PRKAR2B: variants seen among roughly 807,000 people sequenced by gnomAD.
PRKAR2B encodes the protein protein kinase cAMP-dependent type II regulatory subunit beta, also known as cAMP-dependent protein kinase type II-beta regulatory subunit.
PRKAR2B carries 14 observed loss-of-function variants against 49.9 expected under a neutral mutation model. The ratio of observed to expected loss-of-function variants is 0.28; its 90% CI spans 0.19 to 0.44. The LOEUF (loss-of-function observed/expected upper bound fraction) is 0.44. Among genes scored for constraint, PRKAR2B ranks in the 20% least tolerant of loss-of-function variants. The probability of loss-of-function intolerance (pLI) is 1.00; values close to 1 mark genes in which losing one functional copy is unlikely to be tolerated. For synonymous variants in PRKAR2B, 196 were observed against 197.7 expected (o/e 0.99, Z 0.07); for missense variants, 393 against 537.9 (o/e 0.73, Z 2.67).
chr7:107,114,528 A>ATTTT (rs761914948), intron 2 of PRKAR2B, among the ~76,000 whole-genome samples: 8 of 131,560 alleles, frequency 6.1e-5, no homozygotes, highest in Non-Finnish European at 4.9e-5. Flanking sequence ...TGCCCGGTTA[A>ATTTT]TTTTTTTTTT....
At chr7:107,120,844 A>G (rs991120306) in intron 2 of PRKAR2B, among the ~76,000 whole-genome samples, 2 of 152,032 alleles carry the variant, frequency 1.3e-5, no homozygotes, top group Non-Finnish European at 2.9e-5. Flanking sequence ...GTAATATGAC[A>G]GATAAAGTGG....
At chr7:107,091,150 A>G (rs894729773) in intron 2 of PRKAR2B, among the ~76,000 whole-genome samples, 23 of 152,166 alleles carry the variant, frequency 1.5e-4, no homozygotes, top group African/African-American at 5.3e-4. Flanking sequence ...AAGCATTTCT[A>G]ATTTGTAAGA....
At chr7:107,112,458 CAAA>C (rs949875603) in intron 2 of PRKAR2B, among the ~76,000 whole-genome samples, 1 of 151,720 alleles carries the variant, frequency 6.6e-6, no homozygotes, top group East Asian at 1.9e-4. Context: ...AAATTTCCAA[CAAA>C]AAAACACAAA....
At chr7:107,121,420 T>C (rs1180821637) in intron 2 of PRKAR2B, among the ~76,000 whole-genome samples, 11 of 152,108 alleles carry the variant, frequency 7.2e-5, no homozygotes, top group African/African-American at 2.7e-4. Flanking sequence ...ATTCTTACAG[T>C]GTTAAATGAA....
chr7:107,119,222 A>C (rs1795344767), intron 2 of PRKAR2B, among the ~76,000 whole-genome samples: 1 of 152,174 alleles, frequency 6.6e-6, no homozygotes, highest in African/African-American at 2.4e-5. Context: ...GGGTGTGTGT[A>C]TGTGTAAAAC....
chr7:107,094,600 G>A (rs956688228), intron 2 of PRKAR2B, among the ~76,000 whole-genome samples: 13 of 152,140 alleles, frequency 8.5e-5, no homozygotes, highest in African/African-American at 3.1e-4. Flanking sequence ...TGTCCTGAAT[G>A]GTACTGGCTA....
In PRKAR2B at chr7:107,161,613, G is replaced by A. The variant is rs1225978226; in HGVS notation, c.*2031G>A. 6.6e-6 allele frequency: 1 copy of A among 152,522 alleles called. No individual in the cohort carries two copies. The allele number at this position is 152,522 out of a possible 1,614,324, so 9.4% of individuals were successfully genotyped here. On this transcript the variant is annotated 3_prime_UTR_variant, in exon 11 of 11. Transcript: ENST00000265717. ...TGATAGCAATGTGGCATGTGGAAGCGAACCCCCAGGGCATAACATAGTAAG... is the reference window on the plus strand; with the variant it reads ...TGATAGCAATGTGGCATGTGGAAGCAAACCCCCAGGGCATAACATAGTAAG...
intron 2 of PRKAR2B, among the ~76,000 whole-genome samples, chr7:107,071,475 T>A (rs1036816012): frequency 2.0e-5 from 3 of 150,468 alleles, no homozygotes; most frequent in African/African-American, 7.4e-5. Flanking sequence ...AAGTGTAGAT[T>A]GTAATGCCTT....
At chr7:107,150,182 TA>T (rs1795958511) in intron 6 of PRKAR2B, among the ~76,000 whole-genome samples, 1 of 152,084 alleles carries the variant, frequency 6.6e-6, no homozygotes, top group Non-Finnish European at 1.5e-5. Context: ...ATAAAATTTT[TA>T]GGAAAATAAT....
At chr7:107,077,522 A>C (rs968711192) in intron 2 of PRKAR2B, 1 of 152,234 alleles carries the variant, frequency 6.6e-6, no homozygotes, top group Non-Finnish European at 1.5e-5. Context: ...AGGTATTTCT[A>C]TTCAGTATTA....
chr7:107,156,929 T>C lies in PRKAR2B; in HGVS notation c.919-55T>C, dbSNP rs188628973. ...TTTAGGGATATGAAAGGTAACAAGATTGTTGTCAATTAATTTGCATTTTCA... is the reference window on the plus strand; with the variant it reads ...TTTAGGGATATGAAAGGTAACAAGACTGTTGTCAATTAATTTGCATTTTCA... On this transcript the variant is annotated intron_variant, in intron 8 of 10. Coordinates refer to ENST00000265717, the MANE Select transcript of PRKAR2B (RefSeq NM_002736.3). 3.7e-5 allele frequency: 54 copies of C among 1,441,382 alleles called. No individual in the cohort carries two copies. The Admixed American group carries it at 4.7e-4, about 13-fold the overall frequency. 89.3% of individuals were successfully genotyped at this position (1,441,382 alleles called of 1,614,324 possible).
intron 1 of PRKAR2B, 49 bp downstream of exon 1, chr7:107,045,263 C>A: frequency 7.3e-7 from 1 of 1,367,642 alleles, no homozygotes; most frequent in South Asian, 1.5e-5. Context: ...CTCGCTGCCC[C>A]CCACCGCTCC....
Position 107,122,002 on chromosome 7 carries a change from A to G in PRKAR2B, c.394A>G (p.Arg132Gly), listed in dbSNP as rs149865268. Reference protein sequence around the residue: ...PDEEEDDAESRIIHPKTDDQR... With the variant: ...PDEEEDDAESGIIHPKTDDQR... ...TGAAGAAGAAGATGATGCAGAGTCC[A>G]GGGTATGTAATTTACTGAATGAATG... Residue 132 changes from arginine (R) to glycine (G), a missense_variant and splice_region_variant, in exon 3 of 11, where the codon AGG becomes GGG. Physicochemically the swap from Arg to Gly is moderately radical, Grantham distance 125. Coordinates refer to ENST00000265717, the MANE Select transcript of PRKAR2B (RefSeq NM_002736.3). 6.3e-7 allele frequency: 1 copy of G among 1,587,200 alleles called. No homozygotes were observed. Among genetic ancestry groups the G allele is most frequent in the Non-Finnish European group, 8.6e-7 (1 of 1,161,502 alleles).
intron 2 of PRKAR2B, among the ~76,000 whole-genome samples, chr7:107,102,456 C>T (rs1452427468): frequency 3.3e-5 from 5 of 152,292 alleles, no homozygotes; most frequent in Admixed American, 6.5e-5. Flanking sequence ...TGGCCCTGCT[C>T]TGTCTATGGA....
intron 1 of PRKAR2B, among the ~76,000 whole-genome samples, chr7:107,060,170 A>G (rs1209151056): frequency 2.6e-5 from 4 of 152,224 alleles, no homozygotes; most frequent in Non-Finnish European, 2.9e-5. Flanking sequence ...GGATATAACC[A>G]TATACACAAA....
chr7:107,155,834 T>C (rs1171644109), intron 8 of PRKAR2B, among the ~76,000 whole-genome samples: 2 of 152,094 alleles, frequency 1.3e-5, no homozygotes, highest in African/African-American at 4.8e-5. Flanking sequence ...CTATTTACAA[T>C]AACAAAGACA....
chr7:107,157,675 G>A (rs1796119199), intron 10 of PRKAR2B, among the ~76,000 whole-genome samples: 1 of 152,154 alleles, frequency 6.6e-6, no homozygotes, highest in African/African-American at 2.4e-5. Context: ...TATAAAGTCC[G>A]TTATTAAGAT....
intron 4 of PRKAR2B, among the ~76,000 whole-genome samples, chr7:107,138,879 A>G (rs1195266557): frequency 2.0e-5 from 3 of 151,356 alleles, no homozygotes; most frequent in African/African-American, 7.3e-5. Flanking sequence ...GGGTTTTGCC[A>G]TGTTGCCCAG....
intron 4 of PRKAR2B, among the ~76,000 whole-genome samples, chr7:107,132,296 G>A (rs1686665662): frequency 6.6e-6 from 1 of 152,184 alleles, no homozygotes; most frequent in African/African-American, 2.4e-5. Flanking sequence ...TTATCAGGAA[G>A]GCCCATTCTT....
Sources: allele counts gnomAD v4.1 joint callset (sites outside exome capture counted in the v4.1 genomes callset), GRCh38; gene constraint gnomAD v4.1.1; transcripts MANE v1.5; gene names NCBI Gene and HGNC (gene_info 2026-07-23, HGNC 2026-07-21).